GRID1: variants seen among roughly 807,000 people sequenced by gnomAD.
GRID1 encodes the protein glutamate ionotropic receptor delta type subunit 1, also known as glutamate receptor ionotropic, delta-1.
Under a neutral mutation model 98.0 loss-of-function variants are expected in GRID1, and 28 were observed. The ratio of observed to expected loss-of-function variants is 0.29; its 90% CI spans 0.21 to 0.39. The LOEUF (loss-of-function observed/expected upper bound fraction) is 0.39, where lower values mean the gene tolerates loss of function less well. Ranked by LOEUF, GRID1 falls within the 10% of genes least tolerant of loss-of-function variation. The pLI is 1.00. For synonymous variants in GRID1, 553 were observed against 538.5 expected (o/e 1.03, Z -0.37); for missense variants, 1,111 against 1,340.5 (o/e 0.83, Z 2.67).
rs766092463 is a variant in GRID1, at chr10:86,364,071, G to T, written c.105C>A (p.Ala35=). ...CCAACTGGAACACCCTGTCGTCCTT[G>T]GCCGCGTTCTCCTCGAAGATGGCAC... The part of the protein sequence containing the change: ...HIGAIFEENA[A]KDDRVFQLAV... The change falls in exon 2 of 16, where the codon GCC becomes GCA. Residue 35 remains alanine, a synonymous_variant. Coordinates refer to ENST00000327946, the MANE Select transcript of GRID1 (RefSeq NM_017551.3). 1 of 1,614,006 alleles carries T rather than the reference G, an allele frequency of 6.2e-7. No individual in the cohort carries two copies. Among genetic ancestry groups the T allele is most frequent in the African/African-American group, 1.3e-5 (1 of 75,058 alleles).
intron 4 of GRID1, among the ~76,000 whole-genome samples, chr10:85,973,795 AT>A (rs1485168517): frequency 6.6e-6 from 1 of 152,212 alleles, no homozygotes; most frequent in East Asian, 1.9e-4. Context: ...CTCCTTGATT[AT>A]TCATCTCTTA....
intron 2 of GRID1, among the ~76,000 whole-genome samples, chr10:86,207,951 A>G (rs1467976555): frequency 4.6e-5 from 7 of 152,232 alleles, no homozygotes; most frequent in Non-Finnish European, 1.0e-4. Context: ...TTCAAAACAC[A>G]GGCTGTGAAT....
intron 10 of GRID1, among the ~76,000 whole-genome samples, chr10:85,727,067 T>A (rs1841768689): frequency 6.6e-6 from 1 of 152,174 alleles, no homozygotes; most frequent in Admixed American, 6.5e-5. Context: ...CTTGTTGTGG[T>A]CATGCAGTGG....
chr10:86,084,872 G>A (rs776140123), intron 4 of GRID1, among the ~76,000 whole-genome samples: 6 of 152,156 alleles, frequency 3.9e-5, no homozygotes, highest in African/African-American at 4.8e-5. Context: ...CAGGGACTGA[G>A]GGGAGGGAGG....
chr10:85,668,578 G>A (rs1841049941), intron 12 of GRID1, among the ~76,000 whole-genome samples: 1 of 152,166 alleles, frequency 6.6e-6, no homozygotes, highest in Non-Finnish European at 1.5e-5. Flanking sequence ...GGCAAGTTTA[G>A]AAATCTTCTT....
chr10:85,654,896 T>A (rs1840876527), intron 12 of GRID1, among the ~76,000 whole-genome samples: 2 of 152,176 alleles, frequency 1.3e-5, no homozygotes, highest in Admixed American at 6.5e-5. Context: ...GTGTTTCTGA[T>A]TTGCCAAACT....
Position 85,869,185 on chromosome 10 carries a change from A to C in GRID1, c.781-5T>G. On this transcript the variant is annotated splice_polypyrimidine_tract_variant and splice_region_variant and intron_variant, in intron 5 of 15. Coordinates refer to ENST00000327946, the MANE Select transcript of GRID1 (RefSeq NM_017551.3). ...GATCTCCGGGTCACTGATTTCCTAG[A>C]AAAATAACCAGGCCCATGCTTACCA... The C allele has an allele frequency of 6.2e-7, 1 of 1,612,276 alleles. No individual in the cohort carries two copies. Among genetic ancestry groups the C allele is most frequent in the Non-Finnish European group, 8.5e-7 (1 of 1,178,370 alleles).
chr10:85,748,477 A>G (rs1251255546), intron 8 of GRID1, among the ~76,000 whole-genome samples: 1 of 152,130 alleles, frequency 6.6e-6, no homozygotes, highest in African/African-American at 2.4e-5. Context: ...CTGACCAAAA[A>G]TTGATATCGT....
intron 3 of GRID1, among the ~76,000 whole-genome samples, chr10:86,179,150 T>C (rs890153671): frequency 6.6e-6 from 1 of 151,768 alleles, no homozygotes; most frequent in African/African-American, 2.4e-5. Flanking sequence ...ACAGGCTAAG[T>C]TCCCGGGCCT....
intron 4 of GRID1, among the ~76,000 whole-genome samples, chr10:85,952,777 A>G (rs913487127): frequency 6.6e-6 from 1 of 152,192 alleles, no homozygotes; most frequent in Non-Finnish European, 1.5e-5. Context: ...AGAACTGTAC[A>G]CAGTTGATCC....
At chr10:85,668,197 G>A (rs1465072122) in intron 12 of GRID1, among the ~76,000 whole-genome samples, 4 of 152,232 alleles carry the variant, frequency 2.6e-5, no homozygotes. Flanking sequence ...AGGAAATGCA[G>A]TCTCAACCTG....
chr10:85,750,307 A>G (rs1405723658), intron 8 of GRID1, among the ~76,000 whole-genome samples: 1 of 152,106 alleles, frequency 6.6e-6, no homozygotes, highest in Non-Finnish European at 1.5e-5. Flanking sequence ...AACTCTTCTG[A>G]CCCATCACCA....
At chr10:86,125,971 A>G (rs1418740266) in intron 4 of GRID1, among the ~76,000 whole-genome samples, 1 of 152,156 alleles carries the variant, frequency 6.6e-6, no homozygotes, top group East Asian at 1.9e-4. Flanking sequence ...TTTAGGAGTT[A>G]AGTTTTGGGG....
chr10:86,235,716 C>A (rs545359319), intron 2 of GRID1, among the ~76,000 whole-genome samples: 1 of 152,320 alleles, frequency 6.6e-6, no homozygotes, highest in African/African-American at 2.4e-5. Context: ...AAGCGTGTAT[C>A]AGTGTTTCAT....
intron 12 of GRID1, among the ~76,000 whole-genome samples, chr10:85,715,145 CTCTT>C (rs1377118390): frequency 2.6e-5 from 4 of 152,134 alleles, no homozygotes; most frequent in African/African-American, 9.7e-5. Context: ...GGAAGACAGT[CTCTT>C]TAGTAAATGA....
At chr10:85,778,689 T>C (rs573930587) in intron 8 of GRID1, among the ~76,000 whole-genome samples, 37 of 152,248 alleles carry the variant, frequency 2.4e-4, no homozygotes, top group African/African-American at 8.4e-4. Context: ...AAAAACAACA[T>C]AGCAAGGTGT....
At chr10:85,925,030 C>T (rs1166939384) in intron 4 of GRID1, among the ~76,000 whole-genome samples, 4 of 152,134 alleles carry the variant, frequency 2.6e-5, no homozygotes, top group Admixed American at 6.5e-5. Context: ...TATAAGGAAA[C>T]GTTAATATCA....
intron 2 of GRID1, among the ~76,000 whole-genome samples, chr10:86,241,249 A>C (rs1477826055): frequency 1.3e-5 from 2 of 151,576 alleles, no homozygotes; most frequent in African/African-American, 4.9e-5. Context: ...CCCTCTCCTC[A>C]CCTCACCCAG....
chr10:85,678,824 ATATG>A (rs1033140089), intron 12 of GRID1, among the ~76,000 whole-genome samples: 1 of 152,104 alleles, frequency 6.6e-6, no homozygotes, highest in Non-Finnish European at 1.5e-5. Context: ...CTCAATAATA[ATATG>A]CCCTCACTTC....
Sources: allele counts gnomAD v4.1 joint callset (sites outside exome capture counted in the v4.1 genomes callset), GRCh38; gene constraint gnomAD v4.1.1; transcripts MANE v1.5; gene names NCBI Gene and HGNC (gene_info 2026-07-23, HGNC 2026-07-21).